Variants in NBPF20 observed in about 807,000 individuals in gnomAD.
NBPF20 encodes NBPF family member NBPF20.
In NBPF20, 90 loss-of-function variants were observed where a neutral mutation model predicts 68.1. The observed-to-expected ratio is 1.32, with a 90% CI of 1.11 to 1.58. The LOEUF is 1.58. NBPF20 is among the 40% of genes most tolerant of loss of function. The probability of loss-of-function intolerance (pLI) is 0.00; values close to 1 mark genes in which losing one functional copy is unlikely to be tolerated. For synonymous variants in NBPF20, 290 were observed against 228.1 expected (o/e 1.27, Z -2.45); for missense variants, 816 against 601.2 (o/e 1.36, Z -3.74).
chr1:145,397,164 A>T (rs1447012806), intron 7 of NBPF20, among the ~76,000 whole-genome samples: 2 of 147,072 alleles, frequency 1.4e-5, no homozygotes, highest in Non-Finnish European at 3.0e-5. Flanking sequence ...AATCCAGTCT[A>T]TCATTGCTGG....
Position 145,292,636 on chromosome 1 carries a change from G to A in NBPF20, c.16589-147C>T, listed in dbSNP as rs1553658433. 7.6e-5 allele frequency: 56 copies of A among 737,530 alleles called. 3 individuals are homozygous for A. Among genetic ancestry groups the A allele is most frequent in the Admixed American group, 5.7e-5 (3 of 52,602 alleles). 45.7% of individuals were successfully genotyped at this position (737,530 alleles called of 1,614,324 possible). A position where few individuals can be genotyped will look rare whatever the true frequency, so the allele number is the denominator to read the frequency against. ...GAGATATATTTCAGGAGGCCTGAAG[G>A]CTGTTCATGATAGAACTTCCTCGGT... is the stretch of plus-strand genomic sequence containing the variant. On this transcript the variant is annotated intron_variant, in intron 136 of 137. Transcript: ENST00000369373.
intron 9 of NBPF20, among the ~76,000 whole-genome samples, 158 bp from the exon 15 acceptor site, chr1:145,393,404 A>T (rs1449890670): frequency 3.9e-5 from 6 of 151,900 alleles, no homozygotes; most frequent in Non-Finnish European, 8.8e-5. Context: ...GGGATAGACT[A>T]GGGCCAGGTA....
At chr1:145,409,648 T>A (rs78333892), upstream of NBPF20, among the ~76,000 whole-genome samples, 2 of 149,188 alleles carry the variant, frequency 1.3e-5, no homozygotes, top group Non-Finnish European at 3.0e-5. Context: ...GAAGGGACTC[T>A]CCAAACCTCT....
chr1:145,417,778 C>G, the NBPF20 span, among the ~76,000 whole-genome samples: 15 of 144,860 alleles, frequency 1.0e-4, no homozygotes, highest in African/African-American at 3.8e-4. Flanking sequence ...ATCAGAATGG[C>G]TAAAACACAA....
At chr1:145,394,146 T>C (rs1662095899) in intron 8 of NBPF20, among the ~76,000 whole-genome samples, 1 of 152,124 alleles carries the variant, frequency 6.6e-6, no homozygotes, top group African/African-American at 2.4e-5. Flanking sequence ...TCCCCTGTGT[T>C]GGAATGTTAT....
intron 136 of NBPF20, 109 bp from the exon 142 acceptor site, chr1:145,292,598 T>G (rs1228173429): frequency 1.6e-5 from 12 of 747,474 alleles, no homozygotes; most frequent in Non-Finnish European, 2.7e-5. Context: ...AGCATAAGAA[T>G]AGGACACTTT....
At chr1:145,410,832 A>G in the NBPF20 span, among the ~76,000 whole-genome samples, 1 of 139,992 alleles carries the variant, frequency 7.1e-6, no homozygotes, top group East Asian at 2.0e-4. Flanking sequence ...ATATATATAT[A>G]TATATTCCCT....
chr1:145,400,169 T>A (rs1486130452), intron 6 of NBPF20, among the ~76,000 whole-genome samples: 3 of 151,968 alleles, frequency 2.0e-5, no homozygotes, highest in Non-Finnish European at 2.9e-5. Context: ...CAGGTGACTA[T>A]GAGATTGTCA....
the NBPF20 span, among the ~76,000 whole-genome samples, chr1:145,423,739 T>A: frequency 2.6e-5 from 4 of 151,416 alleles, no homozygotes; most frequent in Admixed American, 6.6e-5. Flanking sequence ...GCACCCCTAC[T>A]AGAATGGCAA....
the NBPF20 span, among the ~76,000 whole-genome samples, chr1:145,416,182 T>A: frequency 0.023 from 3,470 of 149,592 alleles, 146 homozygotes; most frequent in African/African-American, 0.081. Flanking sequence ...CTCCAAATAT[T>A]ATTATGTGAA....
At chr1:145,410,376 G>A (rs1234002283), upstream of NBPF20, among the ~76,000 whole-genome samples, 6 of 149,458 alleles carry the variant, frequency 4.0e-5, no homozygotes, top group African/African-American at 7.4e-5. Flanking sequence ...GTGCAGTGGC[G>A]GGATCTCGGC....
In NBPF20 at chr1:145,292,496, T is replaced by A; in HGVS notation, c.16589-7A>T. 1.4e-6 allele frequency: 1 copy of A among 709,236 alleles called. No homozygotes were observed. The highest frequency in any genetic ancestry group is 2.5e-6 in the Non-Finnish European group (1 of 399,034). The allele number at this position is 709,236 out of a possible 1,614,324, so 43.9% of individuals were successfully genotyped here. A position where few individuals can be genotyped will look rare whatever the true frequency, so the allele number is the denominator to read the frequency against. ...TTCCCCTTCTTTTCAATTTCTGCAA[T>A]AAATTCAGACATGGACAGACACATT... On this transcript the variant is annotated splice_region_variant and splice_polypyrimidine_tract_variant and intron_variant, in intron 136 of 137. Coordinates refer to ENST00000369373, the Ensembl canonical transcript of NBPF20.
chr1:145,394,813 G>C (rs1361850624), intron 8 of NBPF20, among the ~76,000 whole-genome samples, 165 bp downstream of exon 13: 8 of 152,242 alleles, frequency 5.3e-5, no homozygotes, highest in African/African-American at 1.7e-4. Flanking sequence ...CCCCATGCCT[G>C]TGCTTCAGAC....
At chr1:145,402,415 G>A (rs1662566386) in intron 3 of NBPF20, 34 bp from the exon 9 acceptor site, 7 of 1,604,810 alleles carry the variant, frequency 4.4e-6, no homozygotes, top group Non-Finnish European at 6.0e-6. Context: ...TTTAAGAGTG[G>A]AAAGGTTCAG....
At chr1:145,291,766 G>A (rs782704529) in exon 138 of NBPF20, 40 of 1,611,758 alleles carry the variant, frequency 2.5e-5, no homozygotes, top group South Asian at 2.1e-4. Context: ...GCACGCCGTT[G>A]AGCCTGGAAA....
chr1:145,352,270 A>T (rs1192846011), intron 61 of NBPF20, among the ~76,000 whole-genome samples, 181 bp from the exon 67 acceptor site: 1 of 80,744 alleles, frequency 1.2e-5, no homozygotes, highest in Admixed American at 1.1e-4. Flanking sequence ...AAAAGAATGA[A>T]AGAGAAAGAC....
chr1:145,410,272 C>G (rs1195006801), upstream of NBPF20, among the ~76,000 whole-genome samples: 12 of 151,614 alleles, frequency 7.9e-5, no homozygotes, highest in Non-Finnish European at 1.5e-4. Context: ...GATGACTAAA[C>G]AGTGGAGCAT....
In NBPF20 at chr1:145,405,153, C is replaced by T. The variant is rs375809391; in HGVS notation, c.120G>A (p.Glu40=). The T allele has an allele frequency of 3.7e-5, 60 of 1,613,612 alleles. No homozygotes were observed. The South Asian group carries it at 5.7e-4, about 15-fold the overall frequency. The change falls in exon 2 of 138, where the codon GAG becomes GAA. Residue 40 remains glutamate, a synonymous_variant. Transcript: ENST00000369373. Reference sequence around the variant, plus strand: ...CGGCCAGTTGAGTTACAAAACATCTCTCTTTGAGGTTTCCGAACTGCTGTT... The same window carrying T: ...CGGCCAGTTGAGTTACAAAACATCTTTCTTTGAGGTTTCCGAACTGCTGTT...
At chr1:145,334,936 G>A (rs1331894601) in intron 83 of NBPF20, among the ~76,000 whole-genome samples, 2 of 122,564 alleles carry the variant, frequency 1.6e-5, no homozygotes, top group Admixed American at 8.2e-5. Context: ...TAGTGCCCTC[G>A]GGACACACAG....
Sources: allele counts gnomAD v4.1 joint callset (sites outside exome capture counted in the v4.1 genomes callset), GRCh38; gene constraint gnomAD v4.1.1; transcripts MANE v1.5; gene names NCBI Gene and HGNC (gene_info 2026-07-23, HGNC 2026-07-21).